The following ATP5MC2 variants were observed in gnomAD, a reference collection of about 807,000 sequenced individuals.
The protein encoded by ATP5MC2 is ATP synthase membrane subunit c locus 2.
Under a neutral mutation model 13.5 loss-of-function variants are expected in ATP5MC2, and 11 were observed. That is an observed-to-expected ratio of 0.81 (90% CI 0.51 to 1.35). ATP5MC2 has a LOEUF of 1.35. Ranked by LOEUF, ATP5MC2 falls within the 40% of genes most tolerant of loss-of-function variation. The pLI is 0.00. For missense variants in ATP5MC2, 132 were observed against 175.0 expected (o/e 0.75, Z 1.39); for synonymous variants, 64 against 69.7 (o/e 0.92, Z 0.41).
chr12:53,665,861 G>A (rs1306311870), intron 4 of ATP5MC2, among the ~76,000 whole-genome samples: 1 of 152,154 alleles, frequency 6.6e-6, no homozygotes, highest in Non-Finnish European at 1.5e-5. Flanking sequence ...AAATTTTAAC[G>A]GCTTGGTCTC....
upstream of ATP5MC2, chr12:53,676,578 C>T (rs1284228521): frequency 5.0e-6 from 1 of 200,730 alleles, no homozygotes. Flanking sequence ...AATGCCGCAG[C>T]TGCTTCTGGT....
chr12:53,667,987 ATATATAT>A (rs1565625345), intron 4 of ATP5MC2, among the ~76,000 whole-genome samples: 662 of 57,148 alleles, frequency 0.012, 12 homozygotes, highest in African/African-American at 0.055. Flanking sequence ...ATATATATAT[ATATATAT>A]AAATTTTTTT....
At chr12:53,678,602 C>T (rs918662729), upstream of ATP5MC2, among the ~76,000 whole-genome samples, 2 of 152,166 alleles carry the variant, frequency 1.3e-5, no homozygotes, top group Non-Finnish European at 2.9e-5. Flanking sequence ...GGGACTATTA[C>T]TACGAGGCTT....
chr12:53,667,978 TATATATATATATATATAAA>T (rs1944978228), intron 4 of ATP5MC2, among the ~76,000 whole-genome samples: 3 of 60,610 alleles, frequency 4.9e-5, no homozygotes, highest in Non-Finnish European at 1.0e-4. Context: ...TATATATATA[TATATATATATATATATAAA>T]TTTTTTTTTT....
chr12:53,676,421 C>G (rs1436140308), upstream of ATP5MC2: 1 of 575,450 alleles, frequency 1.7e-6, no homozygotes, highest in Non-Finnish European at 3.0e-6. Context: ...AACTCCTACT[C>G]AGAATTCAGT....
chr12:53,676,348 G>GGACTGCGGTTTGGTCTGTACCGCA, upstream of ATP5MC2: 1 of 1,129,976 alleles, frequency 8.8e-7, no homozygotes, highest in Non-Finnish European at 1.2e-6. Context: ...TCTGTACCGC[G>GGACTGCGGTTTGGTCTGTACCGCA]TTTGGGATCT....
At chr12:53,676,139 G>A (rs1565630011), upstream of ATP5MC2, 1 of 1,614,246 alleles carries the variant, frequency 6.2e-7, no homozygotes, top group Non-Finnish European at 8.5e-7. Flanking sequence ...CCGGGCCAAC[G>A]AGTCGCTCAG....
upstream of ATP5MC2, among the ~76,000 whole-genome samples, chr12:53,679,358 T>G (rs1945329074): frequency 6.6e-6 from 1 of 152,114 alleles, no homozygotes; most frequent in Admixed American, 6.6e-5. Flanking sequence ...TTTCCATTCC[T>G]GATGGCTTAA....
rs1019335375 is a variant in ATP5MC2 at position 53,676,063 on chromosome 12, T to C, written c.-42A>G. ...GTCCCAAGGCCTTACCTGCTCCCAC[T>C]GCAGAGAAGACAGAGAGGGGCGGAG... On this transcript the variant is annotated 5_prime_UTR_variant, in exon 1 of 5. Coordinates refer to ENST00000394349, the MANE Select transcript of ATP5MC2 (RefSeq NM_005176.7). 2 of 1,613,880 alleles carry C rather than the reference T, an allele frequency of 1.2e-6. No homozygotes were observed.
intron 3 of ATP5MC2, 128 bp from the exon 4 acceptor site, chr12:53,669,469 T>C: frequency 2.1e-6 from 3 of 1,434,944 alleles, no homozygotes; most frequent in Non-Finnish European, 2.7e-6. Flanking sequence ...CGCCCTAAAA[T>C]GCTGGCAAGT....
Position 53,669,217 on chromosome 12 carries a change from G to A in ATP5MC2, c.242C>T (p.Thr81Ile). Residue 81 changes from threonine (T) to isoleucine (I), a missense_variant, in exon 4 of 5, where the codon ACA (threonine) becomes ATA (isoleucine). Coordinates refer to ENST00000394349, the MANE Select transcript of ATP5MC2 (RefSeq NM_005176.7). ...AGCCCCAGAACCAGCCACCCCAACT[G>A]TGGCAGCCCCAGCTCCAATGAACTT... ...AAKFIGAGAA[T>I]VGVAGSGAGI... 1 of 1,613,984 alleles carries A rather than the reference G, an allele frequency of 6.2e-7. No homozygotes were observed. The highest frequency in any genetic ancestry group is 1.1e-5 in the South Asian group (1 of 91,066).
At position 53,676,037 on chromosome 12, in the gene ATP5MC2, G is replaced by A. The variant is rs1422797738; in HGVS notation, c.-32+16C>T. On this transcript the variant is annotated intron_variant, in intron 1 of 4. Coordinates refer to ENST00000394349, the MANE Select transcript of ATP5MC2 (RefSeq NM_005176.7). ...CGTGCGCAGCGCACAGAGGGCTCTA[G>A]GTCCCAAGGCCTTACCTGCTCCCAC... 40 of 1,612,032 alleles carry A rather than the reference G, an allele frequency of 2.5e-5. No individual in the cohort carries two copies. In the Admixed American group the frequency reaches 5.9e-4, roughly 24 times the overall value.
At chr12:53,676,197 G>C (rs749831233), upstream of ATP5MC2, 2 of 1,612,584 alleles carry the variant, frequency 1.2e-6, no homozygotes, top group Non-Finnish European at 1.7e-6. Context: ...AGGCATCACA[G>C]CGCCGCCTGC....
upstream of ATP5MC2, among the ~76,000 whole-genome samples, chr12:53,679,245 G>C (rs1427478047): frequency 3.6e-5 from 3 of 83,552 alleles, no homozygotes; most frequent in Non-Finnish European, 5.4e-5. Flanking sequence ...AAACGAGAGA[G>C]AGAGAGAGAG....
At chr12:53,672,144 T>C (rs1945117911) in intron 2 of ATP5MC2, among the ~76,000 whole-genome samples, 1 of 147,924 alleles carries the variant, frequency 6.8e-6, no homozygotes, top group Admixed American at 6.8e-5. Flanking sequence ...GGAGAGTATC[T>C]AGCAAGCATT....
In ATP5MC2 at chr12:53,668,138, AC is replaced by A. The variant is rs967800043; in HGVS notation, c.311+1009del. Among the ~76,000 whole-genome samples the A allele has an allele frequency of 1.5e-3, 227 of 149,274 alleles. 1 individual carries two copies. Among genetic ancestry groups the A allele is most frequent in the African/African-American group, 5.5e-3 (225 of 40,798 alleles). On this transcript the variant is annotated intron_variant, in intron 4 of 4. Coordinates refer to ENST00000394349, the MANE Select transcript of ATP5MC2 (RefSeq NM_005176.7). ...CGAGTAGCTGGGACTACAGGCGCCCACCACAACGCCTGGCTAATTTTTGTAT... is the reference window on the plus strand; with the variant it reads ...CGAGTAGCTGGGACTACAGGCGCCCACACAACGCCTGGCTAATTTTTGTAT...
rs536256459 is a variant in ATP5MC2 at position 53,665,942 on chromosome 12, C to G, written c.312-514G>C. On this transcript the variant is annotated intron_variant, in intron 4 of 4. Transcript: ENST00000394349. ...TAAGGATTTATGGAACACCGCTCTT[C>G]TAGAAGACAAGAGTAAGAGGGACAG... Among the ~76,000 whole-genome samples the G allele has an allele frequency of 1.1e-3, 169 of 152,320 alleles. 1 individual carries two copies. The highest frequency in any genetic ancestry group is 3.6e-3 in the African/African-American group (149 of 41,570).
intron 4 of ATP5MC2, 56 bp from the exon 5 acceptor site, chr12:53,665,484 A>G: frequency 1.4e-6 from 2 of 1,388,238 alleles, no homozygotes; most frequent in Non-Finnish European, 1.0e-6. Context: ...AGAAAAGGAT[A>G]AATATCTAAG....
chr12:53,669,741 C>T, intron 3 of ATP5MC2, 130 bp downstream of exon 3: 1 of 977,146 alleles, frequency 1.0e-6, no homozygotes, highest in Non-Finnish European at 1.6e-6. Flanking sequence ...CACCTAAAGC[C>T]CATGGCCTTG....
Sources: allele counts gnomAD v4.1 joint callset (sites outside exome capture counted in the v4.1 genomes callset), GRCh38; gene constraint gnomAD v4.1.1; transcripts MANE v1.5; gene names NCBI Gene and HGNC (gene_info 2026-07-23, HGNC 2026-07-21).